Variants in AGBL4 observed in about 807,000 individuals in gnomAD.
AGBL4 encodes the protein cytosolic carboxypeptidase 6.
Under a neutral mutation model 66.4 loss-of-function variants are expected in AGBL4, and 58 were observed. The ratio of observed to expected loss-of-function variants is 0.87; its 90% CI spans 0.71 to 1.09. AGBL4 has a LOEUF of 1.09. Ranked by LOEUF, AGBL4 falls within the 50% of genes least tolerant of loss-of-function variation. The pLI, the probability that AGBL4 is intolerant of heterozygous loss-of-function variation, is 0.00. For missense variants in AGBL4, 579 were observed against 631.0 expected (o/e 0.92, Z 0.88); for synonymous variants, 234 against 222.9 (o/e 1.05, Z -0.44).
intron 5 of AGBL4, among the ~76,000 whole-genome samples, chr1:48,894,127 G>C (rs1292382268): frequency 6.6e-6 from 1 of 152,210 alleles, no homozygotes; most frequent in Non-Finnish European, 1.5e-5. Flanking sequence ...CTTTGACCCA[G>C]TAATTCTACT....
At chr1:49,935,618 G>A (rs542164376) in intron 1 of AGBL4, among the ~76,000 whole-genome samples, 8 of 152,206 alleles carry the variant, frequency 5.3e-5, no homozygotes, top group South Asian at 2.1e-4. Context: ...TCACATGGCC[G>A]GGTACTCCTC....
At chr1:49,460,094 G>C (rs1646478607) in intron 3 of AGBL4, among the ~76,000 whole-genome samples, 1 of 151,616 alleles carries the variant, frequency 6.6e-6, no homozygotes, top group Non-Finnish European at 1.5e-5. Context: ...TTCTGCACTT[G>C]TTAGGTAGAA....
chr1:48,970,504 C>T (rs560006256), intron 5 of AGBL4, among the ~76,000 whole-genome samples: 1 of 152,234 alleles, frequency 6.6e-6, no homozygotes, highest in East Asian at 1.9e-4. Flanking sequence ...TTCCCTAACT[C>T]CATTTTCATT....
intron 2 of AGBL4, among the ~76,000 whole-genome samples, chr1:49,781,666 C>G (rs754116645): frequency 1.3e-5 from 2 of 152,040 alleles, no homozygotes; most frequent in Non-Finnish European, 2.9e-5. Flanking sequence ...GCATACTCCA[C>G]CCAACAGCAG....
At chr1:49,569,102 A>G (rs887376848) in intron 3 of AGBL4, among the ~76,000 whole-genome samples, 1 of 152,228 alleles carries the variant, frequency 6.6e-6, no homozygotes, top group Non-Finnish European at 1.5e-5. Flanking sequence ...ACTGGAAGTC[A>G]TTATGATAAG....
At chr1:48,841,727 T>C (rs972599168) in intron 6 of AGBL4, among the ~76,000 whole-genome samples, 1 of 152,106 alleles carries the variant, frequency 6.6e-6, no homozygotes, top group Non-Finnish European at 1.5e-5. Flanking sequence ...ATTTATGGTT[T>C]TCGATGGATC....
At chr1:49,680,338 C>T (rs989649257) in intron 3 of AGBL4, among the ~76,000 whole-genome samples, 6 of 152,028 alleles carry the variant, frequency 3.9e-5, no homozygotes, top group East Asian at 1.9e-4. Flanking sequence ...TGTGAGCCAT[C>T]GTGCCCAGCC....
intron 3 of AGBL4, among the ~76,000 whole-genome samples, chr1:49,686,917 C>A (rs1571328772): frequency 6.6e-6 from 1 of 151,982 alleles, no homozygotes. Flanking sequence ...TGAGCTTAAT[C>A]CAAATGAATA....
intron 4 of AGBL4, among the ~76,000 whole-genome samples, chr1:49,131,050 A>T (rs192569908): frequency 6.6e-6 from 1 of 152,276 alleles, no homozygotes; most frequent in Admixed American, 6.5e-5. Flanking sequence ...TAGCATATGT[A>T]TCGATGGAAT....
At chr1:49,379,110 G>A (rs2148568991) in intron 3 of AGBL4, among the ~76,000 whole-genome samples, 1 of 152,060 alleles carries the variant, frequency 6.6e-6, no homozygotes, top group South Asian at 2.1e-4. Context: ...AAGCATCAGG[G>A]GGTCTAAACT....
chr1:49,109,403 C>G (rs1263470872), intron 4 of AGBL4, among the ~76,000 whole-genome samples: 1 of 152,120 alleles, frequency 6.6e-6, no homozygotes, highest in African/African-American at 2.4e-5. Flanking sequence ...TCTCAAAATC[C>G]CTCTGGCATC....
intron 6 of AGBL4, among the ~76,000 whole-genome samples, chr1:48,746,182 T>C (rs1011197754): frequency 6.6e-6 from 1 of 152,112 alleles, no homozygotes; most frequent in Non-Finnish European, 1.5e-5. Context: ...TATATATATA[T>C]TCGTATATTT....
chr1:48,760,618 G>T (rs1644206906), intron 6 of AGBL4, among the ~76,000 whole-genome samples: 1 of 152,130 alleles, frequency 6.6e-6, no homozygotes, highest in Admixed American at 6.5e-5. Context: ...ACAGGGCCAG[G>T]CGCATAGCAG....
At position 49,827,096 on chromosome 1, in the gene AGBL4, G is replaced by A. The variant is rs370522998; in HGVS notation, c.157+24300C>T. ...ATACATGAGAAGGATCATACAGGTA[G>A]AGTATGAATTCTCAATGGGGGTGCT... On this transcript the variant is annotated intron_variant, in intron 2 of 13. Transcript: ENST00000371839. 3.3e-4 allele frequency among the ~76,000 whole-genome samples: 50 copies of A among 152,248 alleles called. 1 individual carries two copies. The South Asian group carries it at 9.5e-3, about 29-fold the overall frequency.
intron 4 of AGBL4, among the ~76,000 whole-genome samples, chr1:49,128,325 C>A (rs1338800716): frequency 6.6e-6 from 1 of 151,762 alleles, no homozygotes; most frequent in African/African-American, 2.4e-5. Context: ...TAAAATTAAC[C>A]TATAAGTTAA....
chr1:49,676,339 C>T (rs1340910141), intron 3 of AGBL4, among the ~76,000 whole-genome samples: 2 of 151,990 alleles, frequency 1.3e-5, no homozygotes, highest in African/African-American at 2.4e-5. Flanking sequence ...ATGATCCAGG[C>T]ATTGCAGCAC....
chr1:49,065,987 G>T (rs1242862849), intron 4 of AGBL4, among the ~76,000 whole-genome samples: 1 of 152,144 alleles, frequency 6.6e-6, no homozygotes, highest in Non-Finnish European at 1.5e-5. Context: ...CCTATCTTCT[G>T]TCTTGAAGCA....
intron 4 of AGBL4, among the ~76,000 whole-genome samples, chr1:49,192,499 A>C (rs1432062538): frequency 1.3e-5 from 2 of 152,150 alleles, no homozygotes; most frequent in Non-Finnish European, 2.9e-5. Context: ...GGGTTTCACC[A>C]TATTGGCCAG....
At chr1:48,658,953 C>G (rs1215228290) in intron 7 of AGBL4, among the ~76,000 whole-genome samples, 1 of 152,146 alleles carries the variant, frequency 6.6e-6, no homozygotes, top group Non-Finnish European at 1.5e-5. Flanking sequence ...AGCTCTTTGT[C>G]TCCATAGTCT....
Sources: allele counts gnomAD v4.1 joint callset (sites outside exome capture counted in the v4.1 genomes callset), GRCh38; gene constraint gnomAD v4.1.1; transcripts MANE v1.5; gene names NCBI Gene and HGNC (gene_info 2026-07-23, HGNC 2026-07-21).